Variants in ZBTB7C observed in about 807,000 individuals in gnomAD.
ZBTB7C encodes the protein zinc finger and BTB domain containing 7C.
A neutral mutation model predicts 25.7 loss-of-function variants in ZBTB7C; 8 were observed. That is an observed-to-expected ratio of 0.31 (90% confidence interval 0.18 to 0.56). The LOEUF is 0.56. Among genes scored for constraint, ZBTB7C ranks in the 20% least tolerant of loss-of-function variants. The pLI, the probability that ZBTB7C is intolerant of heterozygous loss-of-function variation, is 0.91. For missense variants in ZBTB7C, 824 were observed against 855.2 expected, an observed-to-expected ratio of 0.96 and a Z score of 0.46; for synonymous variants, 394 against 369.0, an observed-to-expected ratio of 1.07 and a Z score of -0.78.
intron 2 of ZBTB7C, among the ~76,000 whole-genome samples, chr18:48,263,556 T>G (rs1199078908): frequency 4.6e-5 from 7 of 152,102 alleles, no homozygotes; most frequent in Non-Finnish European, 8.8e-5. Context: ...GTCCCGAAAA[T>G]GACCTTCCTG....
At chr18:48,189,731 C>G (rs1176747316) in intron 2 of ZBTB7C, among the ~76,000 whole-genome samples, 1 of 152,204 alleles carries the variant, frequency 6.6e-6, no homozygotes, top group Non-Finnish European at 1.5e-5. Flanking sequence ...AGGCCCTGAC[C>G]TGGGTGCTCT....
chr18:48,066,965 G>C (rs1010310548), intron 3 of ZBTB7C, among the ~76,000 whole-genome samples: 4 of 152,184 alleles, frequency 2.6e-5, no homozygotes, highest in African/African-American at 9.7e-5. Context: ...AGCCGGGCGT[G>C]GTGGTGTGTG....
intron 2 of ZBTB7C, among the ~76,000 whole-genome samples, chr18:48,208,673 G>C (rs1172976791): frequency 3.3e-5 from 5 of 152,188 alleles, no homozygotes; most frequent in Non-Finnish European, 7.3e-5. Flanking sequence ...CTCCACCACT[G>C]ATCCTGCTCC....
intron 2 of ZBTB7C, among the ~76,000 whole-genome samples, chr18:48,286,955 G>A (rs1157212114): frequency 1.3e-5 from 2 of 152,012 alleles, no homozygotes; most frequent in Non-Finnish European, 1.5e-5. Flanking sequence ...AGGAGGCTGA[G>A]GTAGGAGATT....
intron 3 of ZBTB7C, among the ~76,000 whole-genome samples, chr18:48,128,256 G>T (rs370600284): frequency 6.6e-6 from 1 of 152,182 alleles, no homozygotes; most frequent in African/African-American, 2.4e-5. Flanking sequence ...CGCCTGCCAG[G>T]CTGTTCTCAT....
intron 2 of ZBTB7C, among the ~76,000 whole-genome samples, chr18:48,307,773 G>A (rs1409661776): frequency 1.3e-5 from 2 of 152,152 alleles, no homozygotes; most frequent in African/African-American, 4.8e-5. Flanking sequence ...GCTTGAACCT[G>A]GGAGGCGGAG....
chr18:48,225,478 C>T (rs771004937), intron 2 of ZBTB7C, among the ~76,000 whole-genome samples: 9 of 152,162 alleles, frequency 5.9e-5, no homozygotes, highest in South Asian at 4.1e-4. Flanking sequence ...GCTCTGCTTT[C>T]GGTAGCATGG....
At chr18:48,271,561 ATTATAT>A (rs995480408) in intron 2 of ZBTB7C, among the ~76,000 whole-genome samples, 10 of 148,066 alleles carry the variant, frequency 6.8e-5, no homozygotes, top group Admixed American at 6.8e-5. Flanking sequence ...ATATTATATA[ATTATAT>A]TTATAAGGTA....
In ZBTB7C at chr18:48,321,516, G is replaced by A. The variant is rs565709881; in HGVS notation, c.-79+16658C>T. ...CTTCCCCAGGCTGATTCTAAGGCCA[G>A]AAAAGCCCTGCAGCTCAGATATCTG... On this transcript the variant is annotated intron_variant, in intron 2 of 4. Transcript: ENST00000590800. 1.2e-3 allele frequency among the ~76,000 whole-genome samples: 188 copies of A among 152,350 alleles called. 1 individual carries two copies. The highest frequency in any genetic ancestry group is 1.8e-3 in the African/African-American group (74 of 41,578).
rs527782920 is a variant in ZBTB7C, at chr18:48,280,994, C to T, written c.-79+57180G>A. ...TCAGCCTCCCAAGTAGCTGGAACTA[C>T]AGGTGCCTGCCACCATGCCCAGCTA... On this transcript the variant is annotated intron_variant, in intron 2 of 4. Transcript: ENST00000590800. 3.9e-5 allele frequency among the ~76,000 whole-genome samples: 6 copies of T among 151,978 alleles called. No individual in the cohort carries two copies. In the East Asian group the frequency reaches 9.7e-4, roughly 25 times the overall value.
At chr18:48,244,658 A>C (rs1292068797) in intron 2 of ZBTB7C, among the ~76,000 whole-genome samples, 1 of 152,234 alleles carries the variant, frequency 6.6e-6, no homozygotes, top group Non-Finnish European at 1.5e-5. Context: ...TCTCAAAAGA[A>C]GATATACAAA....
At chr18:48,329,958 G>C (rs2046307125) in intron 2 of ZBTB7C, among the ~76,000 whole-genome samples, 1 of 152,182 alleles carries the variant, frequency 6.6e-6, no homozygotes, top group South Asian at 2.1e-4. Context: ...GGACAGCAAG[G>C]CTCAGGGAGA....
intron 2 of ZBTB7C, among the ~76,000 whole-genome samples, chr18:48,209,587 C>T (rs2042655567): frequency 6.6e-6 from 1 of 152,018 alleles, no homozygotes; most frequent in South Asian, 2.1e-4. Context: ...AGACACATCT[C>T]TACAAAAAAT....
At chr18:48,228,767 A>ACACACACG (rs2043174978) in intron 2 of ZBTB7C, among the ~76,000 whole-genome samples, 1 of 150,956 alleles carries the variant, frequency 6.6e-6, no homozygotes, top group South Asian at 2.1e-4. Context: ...ACACACACAC[A>ACACACACG]CACACACTCG....
intron 1 of ZBTB7C, among the ~76,000 whole-genome samples, 188 bp from the exon 2 acceptor site, chr18:48,338,586 G>A (rs913881878): frequency 1.3e-5 from 2 of 151,910 alleles, no homozygotes; most frequent in African/African-American, 4.8e-5. Flanking sequence ...ACCAACCCAG[G>A]CCCAGGCCTC....
chr18:48,322,748 A>G (rs1411386421), intron 2 of ZBTB7C, among the ~76,000 whole-genome samples: 2 of 152,234 alleles, frequency 1.3e-5, no homozygotes, highest in African/African-American at 4.8e-5. Context: ...TTGCACTTGC[A>G]TGTTTATAGC....
chr18:48,250,509 G>A (rs74591952), intron 2 of ZBTB7C, among the ~76,000 whole-genome samples: 8,265 of 152,144 alleles, frequency 0.054, 338 homozygotes, highest in African/African-American at 0.11. Flanking sequence ...ACTAACTGTT[G>A]TCCTTGTGGT....
chr18:48,076,082 C>T (rs1457382870), intron 3 of ZBTB7C, among the ~76,000 whole-genome samples: 2 of 152,232 alleles, frequency 1.3e-5, no homozygotes, highest in Admixed American at 6.5e-5. Flanking sequence ...TTCTATGAGT[C>T]GGGCTCTGGG....
intron 2 of ZBTB7C, among the ~76,000 whole-genome samples, chr18:48,263,186 G>T (rs1475698628): frequency 6.6e-6 from 1 of 152,180 alleles, no homozygotes; most frequent in Non-Finnish European, 1.5e-5. Flanking sequence ...AGGCTTTCAG[G>T]TCTCTCCTTC....
Sources: allele counts gnomAD v4.1 joint callset (sites outside exome capture counted in the v4.1 genomes callset), GRCh38; gene constraint gnomAD v4.1.1; transcripts MANE v1.5; gene names NCBI Gene and HGNC (gene_info 2026-07-23, HGNC 2026-07-21).